CFAP47: variants seen among roughly 807,000 people sequenced by gnomAD.
The protein encoded by CFAP47 is cilia and flagella associated protein 47.
A neutral mutation model predicts 148.1 loss-of-function variants in CFAP47; 29 were observed. That is an observed-to-expected ratio of 0.20 (90% confidence interval 0.15 to 0.27). The LOEUF (loss-of-function observed/expected upper bound fraction) is 0.27. CFAP47 is among the 10% of genes least tolerant of loss of function. The pLI is 1.00. For missense variants in CFAP47, 1,872 were observed against 1,697.5 expected (o/e 1.10, Z -1.81); for synonymous variants, 664 against 577.3 (o/e 1.15, Z -2.15).
chrX:36,361,066 A>G (rs1479131942), intron 60 of CFAP47, among the ~76,000 whole-genome samples: 2 of 111,563 alleles, frequency 1.8e-5, no homozygotes, highest in Non-Finnish European at 3.8e-5. Context: ...ATAGACCTGA[A>G]TTATAAAGAT....
intron 46 of CFAP47, among the ~76,000 whole-genome samples, chrX:36,233,055 T>A (rs1213530077): frequency 8.9e-6 from 1 of 111,957 alleles, no homozygotes; most frequent in Non-Finnish European, 1.9e-5. Context: ...AATTTTGGAA[T>A]AGGTGTTGTG....
At chrX:36,358,884 G>T (rs782494933) in intron 60 of CFAP47, among the ~76,000 whole-genome samples, 2 of 111,159 alleles carry the variant, frequency 1.8e-5, no homozygotes, top group African/African-American at 6.5e-5. Flanking sequence ...TTGGTGTGTT[G>T]GTCTCTTCCT....
At chrX:36,239,550 T>C in intron 48 of CFAP47, among the ~76,000 whole-genome samples, 1 of 112,281 alleles carries the variant, frequency 8.9e-6, no homozygotes, top group East Asian at 2.8e-4. Flanking sequence ...GGCATTATCA[T>C]TATTTGACTT....
chrX:35,970,292 T>C (rs1381038062), intron 10 of CFAP47, among the ~76,000 whole-genome samples: 5 of 111,445 alleles, frequency 4.5e-5, no homozygotes, highest in Non-Finnish European at 9.4e-5. Flanking sequence ...AGGCTTATTG[T>C]TGATGGTTAT....
rs6527569 is a variant in CFAP47 at position 36,384,921 on chromosome X, A to G, written c.9479A>G (p.His3160Arg). The G allele has an allele frequency of 0.17, 198,177 of 1,163,875 alleles. 19,322 individuals are homozygous for G. Among genetic ancestry groups the G allele is most frequent in the African/African-American group, 0.74 (40,856 of 55,239 alleles). The change falls in exon 64 of 64, where the codon CAT becomes CGT. Residue 3160 changes from histidine (H) to arginine (R), a missense_variant. His to Arg is a conservative substitution (Grantham distance 29). Transcript: ENST00000378653. ...KTHDNMPVRP[H>R]NFVRENTKLI... ...CATGACAACATGCCAGTCCGTCCAC[A>G]TAATTTTGTCCGTGAAAATACTAAA...
intron 3 of CFAP47, among the ~76,000 whole-genome samples, chrX:35,944,121 G>A (rs888357210): frequency 9.0e-6 from 1 of 110,965 alleles, no homozygotes; most frequent in Non-Finnish European, 1.9e-5. Context: ...CTAATCAGCA[G>A]CATCATTTCT....
Position 36,240,337 on chromosome X carries a change from G to C in CFAP47, c.7332+3478G>C, listed in dbSNP as rs782061814. 2.6e-4 allele frequency among the ~76,000 whole-genome samples: 29 copies of C among 111,569 alleles called. No homozygotes were observed. In the South Asian group the frequency reaches 0.011, roughly 40 times the overall value. ...ATTACTAGACTAAGACTTTAAATAA[G>C]CCTTTGTAAGTATATGCAATGAACT... On this transcript the variant is annotated intron_variant, in intron 48 of 63. Transcript: ENST00000378653.
At chrX:36,269,440 C>T (rs1453869497) in intron 49 of CFAP47, among the ~76,000 whole-genome samples, 2 of 111,944 alleles carry the variant, frequency 1.8e-5, no homozygotes, top group African/African-American at 6.5e-5. Flanking sequence ...AATATGGTGG[C>T]TTCAGTCATT....
chrX:36,250,369 G>C (rs1940676568), intron 48 of CFAP47, among the ~76,000 whole-genome samples: 1 of 110,853 alleles, frequency 9.0e-6, no homozygotes, highest in Admixed American at 9.7e-5. Context: ...TTCAGTTCAT[G>C]GAAGTGGAGA....
intron 1 of CFAP47, among the ~76,000 whole-genome samples, chrX:35,923,514 A>G (rs923722118): frequency 9.0e-6 from 1 of 111,401 alleles, no homozygotes; most frequent in African/African-American, 3.3e-5. Flanking sequence ...TCCCATGGAT[A>G]AAGCATATAA....
At chrX:36,241,637 G>A (rs1412071051) in intron 48 of CFAP47, among the ~76,000 whole-genome samples, 2 of 111,839 alleles carry the variant, frequency 1.8e-5, no homozygotes, top group Admixed American at 1.9e-4. Flanking sequence ...CCTTAGGGTT[G>A]CATCATGCAG....
chrX:36,098,913 A>G (rs1304891557), intron 31 of CFAP47, 39 bp downstream of exon 31: 1 of 776,329 alleles, frequency 1.3e-6, no homozygotes. Context: ...CCACACAGTT[A>G]TTATTGTATG....
At chrX:36,079,945 A>C (rs1363281150) in intron 29 of CFAP47, among the ~76,000 whole-genome samples, 1 of 111,853 alleles carries the variant, frequency 8.9e-6, no homozygotes, top group African/African-American at 3.3e-5. Context: ...TAATTATACT[A>C]AAGAGCTTCT....
intron 37 of CFAP47, among the ~76,000 whole-genome samples, chrX:36,149,545 T>G (rs1939280096): frequency 9.1e-6 from 1 of 110,125 alleles, no homozygotes; most frequent in African/African-American, 3.3e-5. Flanking sequence ...ACCAGTGCAT[T>G]CTAAAAGTAT....
At chrX:36,278,440 G>A (rs781881661) in intron 49 of CFAP47, among the ~76,000 whole-genome samples, 30 of 112,914 alleles carry the variant, frequency 2.7e-4, no homozygotes, top group Admixed American at 2.1e-3. Flanking sequence ...TGCTAAAACC[G>A]TTGGAAAAGC....
intron 10 of CFAP47, among the ~76,000 whole-genome samples, chrX:35,969,011 CTA>C (rs1396002835): frequency 9.2e-6 from 1 of 109,198 alleles, no homozygotes; most frequent in Non-Finnish European, 1.9e-5. Context: ...ATGTATATAT[CTA>C]TATATGTATA....
intron 13 of CFAP47, 42 bp downstream of exon 13, chrX:35,972,007 T>TA (rs5902124): frequency 5.2e-4 from 415 of 802,958 alleles, no homozygotes; most frequent in Non-Finnish European, 6.4e-4. Flanking sequence ...TATTTTTTTA[T>TA]AAAAAAAAGA....
intron 39 of CFAP47, among the ~76,000 whole-genome samples, chrX:36,173,462 C>T (rs1313746545): frequency 8.9e-6 from 1 of 111,765 alleles, no homozygotes; most frequent in Admixed American, 9.5e-5. Flanking sequence ...CCTCTACACA[C>T]TGCTTTGAAT....
chrX:36,241,620 C>A (rs1360652284), intron 48 of CFAP47, among the ~76,000 whole-genome samples: 3 of 111,928 alleles, frequency 2.7e-5, no homozygotes, highest in Non-Finnish European at 5.6e-5. Context: ...GTGGGCCTGT[C>A]ATGATGCCTT....
Sources: gnomAD v4.1 joint callset for allele counts (sites outside exome capture counted in the v4.1 genomes callset) on GRCh38, gnomAD v4.1.1 for gene constraint, MANE v1.5 for transcripts, NCBI Gene and HGNC (gene_info 2026-07-23, HGNC 2026-07-21) for gene names.